Variants in MTHFD1L observed in about 807,000 individuals in gnomAD.
MTHFD1L encodes the protein methylenetetrahydrofolate dehydrogenase (NADP+ dependent) 1 like.
In MTHFD1L, 81 loss-of-function variants were observed where a neutral mutation model predicts 119.5. The ratio of observed to expected loss-of-function variants is 0.68; its 90% CI spans 0.57 to 0.82. MTHFD1L has a LOEUF of 0.82. MTHFD1L is among the 40% of genes least tolerant of loss of function. The pLI, the probability that MTHFD1L is intolerant of heterozygous loss-of-function variation, is 0.00. For synonymous variants in MTHFD1L, 430 were observed against 475.2 expected (o/e 0.90, Z 1.24); for missense variants, 1,125 against 1,253.4 (o/e 0.90, Z 1.55).
intron 1 of MTHFD1L, among the ~76,000 whole-genome samples, chr6:150,869,447 T>TTGGTTTGCTGAGGATGA: frequency 1.3e-5 from 2 of 152,218 alleles, no homozygotes; most frequent in South Asian, 4.2e-4. Flanking sequence ...TGTTCCTGTG[T>TTGGTTTGCTGAGGATGA]TGGTTTGCTG....
At chr6:150,945,345 T>C (rs1793744099) in intron 14 of MTHFD1L, 122 bp from the exon 15 acceptor site, 3 of 695,202 alleles carry the variant, frequency 4.3e-6, no homozygotes, top group East Asian at 2.7e-5. Context: ...CAAATTTTAA[T>C]AGGGTCTTTT....
intron 10 of MTHFD1L, among the ~76,000 whole-genome samples, chr6:150,925,008 G>C (rs1286469132): frequency 1.3e-5 from 2 of 152,138 alleles, no homozygotes. Context: ...TGTGTTTGCT[G>C]TTGCCTCTTA....
chr6:150,865,810 G>A lies in MTHFD1L; in HGVS notation c.-13G>A, dbSNP rs1778193578. On this transcript the variant is annotated 5_prime_UTR_variant, in exon 1 of 28. Coordinates refer to ENST00000367321, the MANE Select transcript of MTHFD1L (RefSeq NM_015440.5). ...GCAGCTCCGTGTCCCCTGAGAACCAGCCGTCCCGCGCCATGGGCACGCGTC... is the reference window on the plus strand; with the variant it reads ...GCAGCTCCGTGTCCCCTGAGAACCAACCGTCCCGCGCCATGGGCACGCGTC... 1.6e-6 allele frequency: 2 copies of A among 1,286,952 alleles called. No individual in the cohort carries two copies. The highest frequency in any genetic ancestry group is 1.6e-5 in the African/African-American group (1 of 63,164). The allele number at this position is 1,286,952 out of a possible 1,614,324, so 79.7% of individuals were successfully genotyped here. A position where few individuals can be genotyped will look rare whatever the true frequency, so the allele number is the denominator to read the frequency against.
chr6:151,099,483 C>A, intron 27 of MTHFD1L: 1 of 1,214,952 alleles, frequency 8.2e-7, no homozygotes, highest in Non-Finnish European at 1.2e-6. Context: ...CTCTCTTCCT[C>A]GGCGCTGCCT....
intron 16 of MTHFD1L, among the ~76,000 whole-genome samples, chr6:150,949,341 GTCAA>G (rs1794523425): frequency 6.6e-6 from 1 of 151,566 alleles, no homozygotes; most frequent in Admixed American, 6.6e-5. Context: ...TCTGTCCAGG[GTCAA>G]TCCCATCTAC....
chr6:150,987,111 T>C (rs1349461823), intron 20 of MTHFD1L, among the ~76,000 whole-genome samples: 1 of 152,184 alleles, frequency 6.6e-6, no homozygotes, highest in East Asian at 1.9e-4. Context: ...ATAGGCAAAA[T>C]GTTTCAATTT....
intron 8 of MTHFD1L, chr6:150,912,890 A>C (rs922219761): frequency 1.2e-5 from 2 of 167,162 alleles, no homozygotes; most frequent in African/African-American, 4.7e-5. Context: ...CAGGGGGTGA[A>C]ATAATGATTC....
chr6:150,924,620 G>A (rs771135899), intron 10 of MTHFD1L, among the ~76,000 whole-genome samples: 10 of 151,988 alleles, frequency 6.6e-5, no homozygotes, highest in African/African-American at 9.7e-5. Flanking sequence ...GGGACTACAG[G>A]TGCCACCACC....
chr6:150,969,521 A>G (rs1797731198), intron 19 of MTHFD1L, among the ~76,000 whole-genome samples: 2 of 151,762 alleles, frequency 1.3e-5, no homozygotes, highest in Non-Finnish European at 2.9e-5. Flanking sequence ...TCAAAAAAAA[A>G]AAAAAAGAGT....
rs184010595 is a variant in MTHFD1L at position 150,995,461 on chromosome 6, C to T, written c.2126-14358C>T. On this transcript the variant is annotated intron_variant, in intron 20 of 27. Coordinates refer to ENST00000367321, the MANE Select transcript of MTHFD1L (RefSeq NM_015440.5). ...CCTGGGAGGCGGAGGTGGCGGTGAG[C>T]TGAGATCACGCCATTGCATTCCAGC... is the stretch of plus-strand genomic sequence containing the variant. Among the ~76,000 whole-genome samples the T allele has an allele frequency of 4.1e-5, 6 of 146,448 alleles. No homozygotes were observed. The East Asian group carries it at 1.3e-3, about 31-fold the overall frequency.
chr6:150,907,542 G>A (rs925984579), intron 8 of MTHFD1L, among the ~76,000 whole-genome samples: 4 of 152,212 alleles, frequency 2.6e-5, no homozygotes, highest in African/African-American at 7.2e-5. Context: ...AGCACAGTAC[G>A]CTGTAGAGTA....
At chr6:150,900,685 A>G (rs1387020357) in intron 7 of MTHFD1L, among the ~76,000 whole-genome samples, 1 of 152,192 alleles carries the variant, frequency 6.6e-6, no homozygotes, top group Non-Finnish European at 1.5e-5. Context: ...TGTGAGCCAC[A>G]TACTGTAGCC....
chr6:150,973,071 T>C (rs999817684), intron 20 of MTHFD1L, among the ~76,000 whole-genome samples: 4 of 152,228 alleles, frequency 2.6e-5, no homozygotes, highest in African/African-American at 9.6e-5. Context: ...AGGGACTGCA[T>C]TGGCAGATTT....
At chr6:151,029,160 CCT>C (rs1350689459) in intron 24 of MTHFD1L, among the ~76,000 whole-genome samples, 1 of 150,300 alleles carries the variant, frequency 6.7e-6, no homozygotes, top group Non-Finnish European at 1.5e-5. Context: ...GTGGCTCACA[CCT>C]GAAATCCCAG....
chr6:150,957,058 A>C (rs1031955902), intron 17 of MTHFD1L, among the ~76,000 whole-genome samples: 1 of 152,252 alleles, frequency 6.6e-6, no homozygotes, highest in Non-Finnish European at 1.5e-5. Context: ...GTGGACTTCC[A>C]TCCTTAACAA....
intron 6 of MTHFD1L, among the ~76,000 whole-genome samples, chr6:150,886,455 A>C (rs1782307458): frequency 6.7e-6 from 1 of 149,336 alleles, no homozygotes; most frequent in Non-Finnish European, 1.5e-5. Flanking sequence ...AAAAAAAAAA[A>C]AAAGAGAAGA....
chr6:150,964,874 C>A, intron 18 of MTHFD1L, 95 bp from the exon 19 acceptor site: 2 of 1,238,568 alleles, frequency 1.6e-6, no homozygotes, highest in Non-Finnish European at 2.3e-6. Context: ...GTGGGGACGC[C>A]CACCCAAGAA....
intron 11 of MTHFD1L, among the ~76,000 whole-genome samples, chr6:150,932,728 A>G (rs1791278167): frequency 6.6e-6 from 1 of 151,716 alleles, no homozygotes; most frequent in Non-Finnish European, 1.5e-5. Context: ...AGATTGTGCC[A>G]CTGCACTCCA....
intron 20 of MTHFD1L, 142 bp from the exon 21 acceptor site, chr6:151,009,677 C>T: frequency 1.0e-6 from 1 of 983,634 alleles, no homozygotes; most frequent in Non-Finnish European, 1.5e-6. Context: ...ATTTCTATGA[C>T]AATGGGGAAA....
Sources: gnomAD v4.1 joint callset for allele counts (sites outside exome capture counted in the v4.1 genomes callset) on GRCh38, gnomAD v4.1.1 for gene constraint, MANE v1.5 for transcripts, NCBI Gene and HGNC (gene_info 2026-07-23, HGNC 2026-07-21) for gene names.